APBB1IP: variants seen among roughly 807,000 people sequenced by gnomAD.
APBB1IP encodes amyloid beta precursor protein binding family B member 1 interacting protein.
Under a neutral mutation model 64.9 loss-of-function variants are expected in APBB1IP, and 27 were observed. The observed-to-expected ratio is 0.42, with a 90% confidence interval of 0.31 to 0.57. The LOEUF (loss-of-function observed/expected upper bound fraction) is 0.57. APBB1IP is among the 20% of genes least tolerant of loss of function. The pLI, the probability that APBB1IP is intolerant of heterozygous loss-of-function variation, is 0.20. For synonymous variants in APBB1IP, 392 were observed against 331.0 expected (o/e 1.18, Z -2.00); for missense variants, 812 against 845.5 (o/e 0.96, Z 0.49).
chr10:26,452,887 TATAAG>T (rs1465304749), intron 2 of APBB1IP, among the ~76,000 whole-genome samples: 1 of 149,050 alleles, frequency 6.7e-6, no homozygotes, highest in Non-Finnish European at 1.5e-5. Context: ...AGCTTCCACT[TATAAG>T]TGAGAACATG....
At chr10:26,536,511 C>A (rs1355353853) in intron 10 of APBB1IP, among the ~76,000 whole-genome samples, 2 of 151,830 alleles carry the variant, frequency 1.3e-5, no homozygotes, top group African/African-American at 4.8e-5. Context: ...ACTTTTTACC[C>A]CTGTTGTTCT....
At chr10:26,452,369 C>T (rs1190282276) in intron 2 of APBB1IP, among the ~76,000 whole-genome samples, 1 of 152,192 alleles carries the variant, frequency 6.6e-6, no homozygotes, top group Non-Finnish European at 1.5e-5. Context: ...ATACAAGATG[C>T]CATGCCTGAA....
intron 11 of APBB1IP, among the ~76,000 whole-genome samples, chr10:26,559,141 G>C (rs1477119291): frequency 6.6e-6 from 1 of 152,130 alleles, no homozygotes; most frequent in Non-Finnish European, 1.5e-5. Context: ...AATTATCTCA[G>C]GTAAGTTCCC....
chr10:26,567,534 C>A lies in APBB1IP; in HGVS notation c.*46C>A, dbSNP rs761497619. ...CCAGAGGGAGAAGCATCGCTGACCCCGAGCGCAGGTTTTGCTAGCAGATTG... is the reference window on the plus strand; with the variant it reads ...CCAGAGGGAGAAGCATCGCTGACCCAGAGCGCAGGTTTTGCTAGCAGATTG... On this transcript the variant is annotated 3_prime_UTR_variant, in exon 15 of 15. Coordinates refer to ENST00000376236, the MANE Select transcript of APBB1IP (RefSeq NM_019043.4). The A allele has an allele frequency of 2.8e-5, 43 of 1,517,438 alleles. No individual in the cohort carries two copies. The highest frequency in any genetic ancestry group is 3.7e-5 in the Non-Finnish European group (41 of 1,117,172). 94.0% of individuals were successfully genotyped at this position (1,517,438 alleles called of 1,614,324 possible).
chr10:26,526,611 C>G (rs1464346280), intron 8 of APBB1IP, among the ~76,000 whole-genome samples: 1 of 151,870 alleles, frequency 6.6e-6, no homozygotes. Flanking sequence ...CCCAGCTACT[C>G]GGGAGGCTGA....
At chr10:26,529,322 G>C (rs1468825448) in intron 8 of APBB1IP, among the ~76,000 whole-genome samples, 4 of 152,210 alleles carry the variant, frequency 2.6e-5, no homozygotes, top group Non-Finnish European at 5.9e-5. Context: ...ATTATTCTAA[G>C]AATTATTCTT....
intron 2 of APBB1IP, among the ~76,000 whole-genome samples, chr10:26,473,841 A>T (rs1202505659): frequency 6.6e-6 from 1 of 152,034 alleles, no homozygotes; most frequent in Non-Finnish European, 1.5e-5. Context: ...ATCTCTACTA[A>T]AAATACAAAA....
intron 11 of APBB1IP, among the ~76,000 whole-genome samples, chr10:26,551,525 A>G (rs1395002929): frequency 1.3e-5 from 2 of 152,124 alleles, no homozygotes; most frequent in Admixed American, 1.3e-4. Context: ...CCGTTCCTTC[A>G]TGCATTCTTT....
chr10:26,487,298 G>A lies in APBB1IP; in HGVS notation c.1-5029G>A, dbSNP rs138867944. On this transcript the variant is annotated intron_variant, in intron 2 of 14. Transcript: ENST00000376236. ...TATAGGCACAGCCCTATTTTCTTAC[G>A]CTTGTGTGTGTGTACACTGTATACA... Among the ~76,000 whole-genome samples the A allele has an allele frequency of 1.8e-3, 271 of 150,074 alleles. 2 individuals carry two copies. Among genetic ancestry groups the A allele is most frequent in the African/African-American group, 6.3e-3 (258 of 40,756 alleles).
At chr10:26,559,038 ACT>A (rs2132482480) in intron 11 of APBB1IP, among the ~76,000 whole-genome samples, 1 of 152,020 alleles carries the variant, frequency 6.6e-6, no homozygotes, top group African/African-American at 2.4e-5. Context: ...TCATCACAAA[ACT>A]CTGAATTTTT....
intron 6 of APBB1IP, 120 bp downstream of exon 6, chr10:26,503,394 G>C: frequency 5.8e-6 from 5 of 860,516 alleles, no homozygotes; most frequent in Non-Finnish European, 8.9e-6. Flanking sequence ...CCAGCACTTT[G>C]GGAGGACAAG....
At chr10:26,540,186 T>C (rs1390823401) in intron 10 of APBB1IP, among the ~76,000 whole-genome samples, 1 of 152,190 alleles carries the variant, frequency 6.6e-6, no homozygotes, top group Non-Finnish European at 1.5e-5. Context: ...GTTAAATAAA[T>C]CGTTACACCT....
intron 3 of APBB1IP, among the ~76,000 whole-genome samples, chr10:26,494,378 G>T (rs2132432141): frequency 6.6e-6 from 1 of 152,270 alleles, no homozygotes; most frequent in African/African-American, 2.4e-5. Context: ...ATGAGCCTTT[G>T]ACTAATAAGT....
intron 2 of APBB1IP, among the ~76,000 whole-genome samples, chr10:26,440,874 T>C (rs954812066): frequency 1.3e-5 from 2 of 152,206 alleles, no homozygotes; most frequent in African/African-American, 4.8e-5. Context: ...CTTTAAGCCA[T>C]CTTACTTCCA....
At chr10:26,512,184 T>C (rs1836270048) in intron 7 of APBB1IP, among the ~76,000 whole-genome samples, 1 of 152,176 alleles carries the variant, frequency 6.6e-6, no homozygotes, top group South Asian at 2.1e-4. Flanking sequence ...TTATATGAGA[T>C]TTAGTGCTTG....
At chr10:26,453,238 G>T (rs1216558948) in intron 2 of APBB1IP, among the ~76,000 whole-genome samples, 1 of 152,230 alleles carries the variant, frequency 6.6e-6, no homozygotes, top group Admixed American at 6.5e-5. Context: ...GGACTTATCT[G>T]AGTGGAGAAA....
intron 14 of APBB1IP, 46 bp downstream of exon 14, chr10:26,562,475 A>G (rs1836986398): frequency 3.4e-6 from 5 of 1,485,120 alleles, no homozygotes; most frequent in African/African-American, 1.4e-5. Flanking sequence ...GTTCTAAACC[A>G]TTCACATTAT....
chr10:26,540,276 A>G (rs1338217245), intron 10 of APBB1IP, among the ~76,000 whole-genome samples: 1 of 152,184 alleles, frequency 6.6e-6, no homozygotes, highest in Non-Finnish European at 1.5e-5. Context: ...TCCTAGATGC[A>G]ATGTTAAGAA....
intron 5 of APBB1IP, chr10:26,501,481 G>T: frequency 2.8e-6 from 1 of 361,658 alleles, no homozygotes; most frequent in South Asian, 7.2e-5. Flanking sequence ...GAGAATAGAA[G>T]GCATTCATTA....
Sources: allele counts gnomAD v4.1 joint callset (sites outside exome capture counted in the v4.1 genomes callset), GRCh38; gene constraint gnomAD v4.1.1; transcripts MANE v1.5; gene names NCBI Gene and HGNC (gene_info 2026-07-23, HGNC 2026-07-21).